The following FAT4 variants were observed in gnomAD, a reference collection of about 807,000 sequenced individuals.
The protein encoded by FAT4 is protocadherin Fat 4.
FAT4 carries 84 observed loss-of-function variants against 303.9 expected under a neutral mutation model. The observed-to-expected ratio is 0.28, with a 90% CI of 0.23 to 0.33. The LOEUF is 0.33. FAT4 is among the 10% of genes least tolerant of loss of function. FAT4 has a pLI of 1.00. For synonymous variants in FAT4, 2,307 were observed against 2,298.8 expected (o/e 1.00, Z -0.10); for missense variants, 6,005 against 6,146.8 (o/e 0.98, Z 0.77).
intron 16 of FAT4, among the ~76,000 whole-genome samples, chr4:125,485,720 C>CCCT (rs1189802756): frequency 2.6e-5 from 4 of 152,082 alleles, no homozygotes; most frequent in African/African-American, 7.2e-5. Flanking sequence ...ATGCATAAAC[C>CCCT]ACTAATATAG....
In FAT4 at chr4:125,374,145, T is replaced by A. The variant is rs188824519; in HGVS notation, c.5176-24639T>A. The stretch of plus-strand genomic sequence containing the variant: ...CAACAGTCTGCCGGTTCTAAAGTTC[T>A]TTGTCACCTTCTGTGTTATCACGTG... On this transcript the variant is annotated intron_variant, in intron 2 of 17. Transcript: ENST00000394329. 7.2e-5 allele frequency among the ~76,000 whole-genome samples: 11 copies of A among 152,312 alleles called. No individual in the cohort carries two copies. The East Asian group carries it at 2.1e-3, about 29-fold the overall frequency.
rs528963012 is a variant in FAT4 at position 125,451,705 on chromosome 4, T to C, written c.10695T>C (p.Ala3565=). The C allele has an allele frequency of 1.2e-6, 2 of 1,614,136 alleles. No individual in the cohort carries two copies. Among genetic ancestry groups the C allele is most frequent in the East Asian group, 2.2e-5 (1 of 44,878 alleles). The change falls in exon 10 of 18, where the codon GCT becomes GCC. Residue 3565 remains alanine (A), a synonymous_variant. Transcript: ENST00000394329. The part of the protein sequence containing the change: ...PATSYFSLST[A]GVLSTTREID... ...CCAGTTATTTCAGTCTGAGCACTGC[T>C]GGAGTTCTGAGCACAACCAGAGAGA...
intron 8 of FAT4, among the ~76,000 whole-genome samples, chr4:125,443,759 T>G (rs913218023): frequency 6.6e-6 from 1 of 152,114 alleles, no homozygotes; most frequent in Non-Finnish European, 1.5e-5. Context: ...AGTTTTTAAC[T>G]TTACAAAAAT....
intron 10 of FAT4, among the ~76,000 whole-genome samples, chr4:125,458,603 A>T (rs940713755): frequency 2.0e-5 from 3 of 151,986 alleles, no homozygotes; most frequent in Non-Finnish European, 2.9e-5. Flanking sequence ...TACATTAGGT[A>T]ATACATTAAC....
At chr4:125,425,257 G>A (rs1560814761) in intron 7 of FAT4, among the ~76,000 whole-genome samples, 1 of 152,052 alleles carries the variant, frequency 6.6e-6, no homozygotes, top group Non-Finnish European at 1.5e-5. Flanking sequence ...AAAAATTTGT[G>A]TTATAAAAAC....
At position 125,389,491 on chromosome 4, in the gene FAT4, T is replaced by C. The variant is rs940584379; in HGVS notation, c.5176-9293T>C. On this transcript the variant is annotated intron_variant, in intron 2 of 17. Transcript: ENST00000394329. ...TAAAGAAAAAAATGCACCAAATGCA[T>C]ACACTTACTTTATGATAATTTCTGA... Among the ~76,000 whole-genome samples, 8 of 152,302 alleles carry C rather than the reference T, an allele frequency of 5.3e-5. No homozygotes were observed. The East Asian group carries it at 7.7e-4, about 15-fold the overall frequency.
intron 2 of FAT4, among the ~76,000 whole-genome samples, chr4:125,388,760 A>C (rs948105154): frequency 6.6e-6 from 1 of 152,190 alleles, no homozygotes; most frequent in African/African-American, 2.4e-5. Flanking sequence ...TTGAAAGCAC[A>C]ACAAAACTAG....
Position 125,449,808 on chromosome 4 carries a change from A to G in FAT4, c.8798A>G (p.Gln2933Arg). Residue 2933 changes from glutamine to arginine, a missense_variant, in exon 10 of 18, where the codon CAG becomes CGG. By Grantham distance (43) the Gln-to-Arg change is conservative. Transcript: ENST00000394329. ...ACCACTGGAGAGATTTTCAATAAAC[A>G]GATCTTAAAATACCAAAATGTCACT... is the stretch of plus-strand genomic sequence containing the variant. ...NATTGEIFNK[Q>R]ILKYQNVTGF... The G allele has an allele frequency of 6.2e-7, 1 of 1,613,886 alleles. No homozygotes were observed. Among genetic ancestry groups the G allele is most frequent in the Non-Finnish European group, 8.5e-7 (1 of 1,179,892 alleles).
At chr4:125,442,380 C>A (rs1257235690) in intron 8 of FAT4, among the ~76,000 whole-genome samples, 1 of 151,940 alleles carries the variant, frequency 6.6e-6, no homozygotes, top group Non-Finnish European at 1.5e-5. Context: ...TTTTAACCTA[C>A]TTAACCGTGT....
At chr4:125,391,535 G>A (rs150064480) in intron 2 of FAT4, among the ~76,000 whole-genome samples, 1 of 152,108 alleles carries the variant, frequency 6.6e-6, no homozygotes, top group South Asian at 2.1e-4. Context: ...TGGGAGGCAA[G>A]GGGAGGGAAG....
chr4:125,486,571 C>T (rs937701929), intron 16 of FAT4, among the ~76,000 whole-genome samples: 7 of 152,168 alleles, frequency 4.6e-5, no homozygotes, highest in African/African-American at 1.7e-4. Context: ...ACCAAATGTT[C>T]ATCTTGCCTC....
chr4:125,390,232 A>T (rs1336682439), intron 2 of FAT4, among the ~76,000 whole-genome samples: 1 of 151,872 alleles, frequency 6.6e-6, no homozygotes, highest in African/African-American at 2.4e-5. Flanking sequence ...TCTATACTTG[A>T]TTCTCATGTT....
chr4:125,452,409 T>C lies in FAT4; in HGVS notation c.11399T>C (p.Val3800Ala). The C allele has an allele frequency of 6.2e-7, 1 of 1,614,072 alleles. No homozygotes were observed. The highest frequency in any genetic ancestry group is 8.5e-7 in the Non-Finnish European group (1 of 1,180,012). ...EILLRQSGVK[V>A]ESVDHDSCVH... ...CTTCTCCGGCAGAGTGGAGTAAAGG[T>C]GGAATCTGTGGATCATGACTCCTGT... Residue 3800 changes from valine to alanine, a missense_variant, in exon 10 of 18, where the codon GTG becomes GCG. Physicochemically the swap from Val to Ala is moderately conservative, Grantham distance 64 (BLOSUM62 0). Coordinates refer to ENST00000394329, the MANE Select transcript of FAT4 (RefSeq NM_001291303.3).
At chr4:125,408,349 C>CTG (rs1734702297) in intron 4 of FAT4, 95 bp from the exon 5 acceptor site, 1 of 712,808 alleles carries the variant, frequency 1.4e-6, no homozygotes, top group Admixed American at 2.7e-5. Context: ...AGATATTTTA[C>CTG]TGTACAAATA....
chr4:125,390,652 G>A (rs1733944172), intron 2 of FAT4, among the ~76,000 whole-genome samples: 1 of 152,150 alleles, frequency 6.6e-6, no homozygotes, highest in Non-Finnish European at 1.5e-5. Context: ...ATGTTATTGA[G>A]TTGACATCAT....
chr4:125,449,043 C>G lies in FAT4; in HGVS notation c.8033C>G (p.Ser2678Cys). Residue 2678 changes from serine to cysteine, a missense_variant, in exon 10 of 18, where the codon TCT becomes TGT. Physicochemically the swap from Ser to Cys is moderately radical, Grantham distance 112 (BLOSUM62 -1). Coordinates refer to ENST00000394329, the MANE Select transcript of FAT4 (RefSeq NM_001291303.3). ...APIFKEDPFI[S>C]EILENLSPRK... Reference sequence around the variant, plus strand: ...ATTTTTAAGGAAGACCCATTTATATCTGAAATATTGGAAAACCTTTCCCCT... The same window carrying G: ...ATTTTTAAGGAAGACCCATTTATATGTGAAATATTGGAAAACCTTTCCCCT... The G allele has an allele frequency of 6.2e-7, 1 of 1,613,808 alleles. No homozygotes were observed. Among genetic ancestry groups the G allele is most frequent in the East Asian group, 2.2e-5 (1 of 44,866 alleles).
chr4:125,368,680 G>T (rs534060712), intron 2 of FAT4, among the ~76,000 whole-genome samples: 5 of 151,432 alleles, frequency 3.3e-5, no homozygotes, highest in Non-Finnish European at 7.4e-5. Context: ...ATGACATCTG[G>T]CAATGCCTTA....
chr4:125,319,917 G>A lies in FAT4; in HGVS notation c.3506G>A (p.Arg1169Gln), dbSNP rs750169762. The change falls in exon 2 of 18, where the codon CGG (arginine) becomes CAG (glutamine). Residue 1169 changes from arginine (R) to glutamine (Q), a missense_variant. Coordinates refer to ENST00000394329, the MANE Select transcript of FAT4 (RefSeq NM_001291303.3). The stretch of plus-strand genomic sequence containing the variant: ...TTTGACAGGGAGTCTCTTATGAGGC[G>A]GAGAGGGACTGCTGTGTTTAGCTTT... ...HQFDRESLMR[R>Q]RGTAVFSFTV... The A allele has an allele frequency of 4.0e-5, 64 of 1,613,780 alleles. No individual in the cohort carries two copies. Among genetic ancestry groups the A allele is most frequent in the Middle Eastern group, 3.3e-4 (2 of 6,084 alleles).
chr4:125,372,554 G>C (rs545208276), intron 2 of FAT4, among the ~76,000 whole-genome samples: 1 of 152,172 alleles, frequency 6.6e-6, no homozygotes, highest in African/African-American at 2.4e-5. Context: ...TGATGAATTT[G>C]AGGTACTTAG....
Sources: allele counts gnomAD v4.1 joint callset (sites outside exome capture counted in the v4.1 genomes callset), GRCh38; gene constraint gnomAD v4.1.1; transcripts MANE v1.5; gene names NCBI Gene and HGNC (gene_info 2026-07-23, HGNC 2026-07-21).